Variants in RAB27A observed in about 807,000 individuals in gnomAD.
RAB27A encodes RAB27A, member RAS oncogene family.
In RAB27A, 17 loss-of-function variants were observed where a neutral mutation model predicts 20.8. That is an observed-to-expected ratio of 0.82 (90% CI 0.56 to 1.23). RAB27A has a LOEUF of 1.23. Among genes scored for constraint, RAB27A ranks in the 50% most tolerant of loss-of-function variants. The pLI is 0.00. For synonymous variants in RAB27A, 85 were observed against 92.8 expected (o/e 0.92, Z 0.48); for missense variants, 277 against 266.7 (o/e 1.04, Z -0.27).
chr15:55,310,681 C>A (rs2055016448), intron 2 of RAB27A, among the ~76,000 whole-genome samples: 1 of 152,126 alleles, frequency 6.6e-6, no homozygotes, highest in Admixed American at 6.5e-5. Flanking sequence ...TCCCATTCCA[C>A]CTGCTCCTCC....
At chr15:55,277,701 A>C (rs1475931523) in intron 1 of RAB27A, among the ~76,000 whole-genome samples, 1 of 152,184 alleles carries the variant, frequency 6.6e-6, no homozygotes, top group African/African-American at 2.4e-5. Context: ...GCACCAAAAA[A>C]TGTTCTGAAA....
chr15:55,241,127 A>T (rs913171674), intron 2 of RAB27A, among the ~76,000 whole-genome samples: 1 of 152,204 alleles, frequency 6.6e-6, no homozygotes, highest in Admixed American at 6.5e-5. Flanking sequence ...TTTCTTTCCT[A>T]GAAGTATAAG....
At chr15:55,223,516 A>G (rs908703639) in intron 6 of RAB27A, among the ~76,000 whole-genome samples, 5 of 151,898 alleles carry the variant, frequency 3.3e-5, no homozygotes, top group Non-Finnish European at 7.4e-5. Context: ...CTCAAAAAAA[A>G]AAAAGAAAAG....
chr15:55,293,185 C>T (rs180792105), upstream of RAB27A, among the ~76,000 whole-genome samples: 64 of 152,090 alleles, frequency 4.2e-4, no homozygotes, highest in African/African-American at 1.3e-3. Context: ...AGTAAGAATT[C>T]ATGGATTTTA....
At chr15:55,259,006 G>T (rs1270747348) in intron 2 of RAB27A, among the ~76,000 whole-genome samples, 2 of 151,996 alleles carry the variant, frequency 1.3e-5, no homozygotes, top group Non-Finnish European at 2.9e-5. Flanking sequence ...TGTAGAGATG[G>T]GGTTTTCCCA....
At chr15:55,232,982 G>A (rs974211371) in intron 3 of RAB27A, among the ~76,000 whole-genome samples, 7 of 152,006 alleles carry the variant, frequency 4.6e-5, no homozygotes, top group Non-Finnish European at 8.8e-5. Context: ...ACAATTAGCC[G>A]GGTGTGGTGG....
intron 2 of RAB27A, among the ~76,000 whole-genome samples, chr15:55,263,826 G>A (rs1004153698): frequency 1.3e-5 from 2 of 152,126 alleles, no homozygotes; most frequent in African/African-American, 2.4e-5. Context: ...TCCATGAAAT[G>A]CATATATTTG....
intron 1 of RAB27A, among the ~76,000 whole-genome samples, chr15:55,272,952 A>G (rs1212206345): frequency 1.3e-5 from 2 of 152,200 alleles, no homozygotes; most frequent in East Asian, 3.8e-4. Context: ...GACTCAAAAC[A>G]GACAGAATGG....
Position 55,224,808 on chromosome 15 carries a change from A to G in RAB27A, c.344-796T>C, listed in dbSNP as rs1167535221. ...AAGGCCTAAACGTTCACAGTAAGAC[A>G]TACTTCAGAGTTTATGGCCTAATTT... On this transcript the variant is annotated intron_variant, in intron 5 of 6. Coordinates refer to ENST00000336787, the MANE Select transcript of RAB27A (RefSeq NM_183235.3). Among the ~76,000 whole-genome samples the G allele has an allele frequency of 2.6e-5, 4 of 152,256 alleles. No homozygotes were observed. The East Asian group carries it at 7.7e-4, about 29-fold the overall frequency.
chr15:55,288,982 G>A (rs1898233807), intron 1 of RAB27A: 1 of 152,256 alleles, frequency 6.6e-6, no homozygotes, highest in Non-Finnish European at 1.5e-5. Context: ...CCATCCAGAA[G>A]GAAAGAACAG....
At chr15:55,219,298 C>T (rs1030858570) in intron 6 of RAB27A, among the ~76,000 whole-genome samples, 1 of 152,160 alleles carries the variant, frequency 6.6e-6, no homozygotes, top group Non-Finnish European at 1.5e-5. Flanking sequence ...CTCTCTTTAG[C>T]ATGGATTTTC....
At chr15:55,279,457 G>T (rs774732979) in intron 1 of RAB27A, among the ~76,000 whole-genome samples, 1 of 152,204 alleles carries the variant, frequency 6.6e-6, no homozygotes, top group Non-Finnish European at 1.5e-5. Context: ...CTTCCCAGGG[G>T]CTTTCTGGTT....
intron 6 of RAB27A, among the ~76,000 whole-genome samples, chr15:55,216,179 C>A (rs888339938): frequency 2.6e-5 from 4 of 152,104 alleles, no homozygotes; most frequent in African/African-American, 9.7e-5. Context: ...ATAAATGTTT[C>A]TTATTTCCAA....
At chr15:55,210,347 CA>C (rs1205947582) in intron 6 of RAB27A, among the ~76,000 whole-genome samples, 6 of 149,334 alleles carry the variant, frequency 4.0e-5, no homozygotes, top group Non-Finnish European at 8.9e-5. Context: ...TTCCCACCAA[CA>C]ATGTACGGGT....
At chr15:55,231,721 T>C (rs1896037369) in intron 3 of RAB27A, among the ~76,000 whole-genome samples, 1 of 152,044 alleles carries the variant, frequency 6.6e-6, no homozygotes, top group Non-Finnish European at 1.5e-5. Flanking sequence ...CTGAGAAAAA[T>C]TGTCAGGAAG....
chr15:55,227,984 G>T (rs10518805), intron 5 of RAB27A, among the ~76,000 whole-genome samples: 31,812 of 152,076 alleles, frequency 0.21, 5,749 homozygotes, highest in African/African-American at 0.48. Context: ...GGCAGAATTC[G>T]AAATGGCTAT....
chr15:55,231,760 T>C (rs1306866938), intron 3 of RAB27A, among the ~76,000 whole-genome samples: 2 of 152,274 alleles, frequency 1.3e-5, no homozygotes, highest in East Asian at 3.9e-4. Context: ...GCCCCAGCTT[T>C]GTCTTTCTTT....
chr15:55,239,181 C>T (rs1412745716), intron 2 of RAB27A, among the ~76,000 whole-genome samples: 2 of 152,200 alleles, frequency 1.3e-5, no homozygotes, highest in East Asian at 3.8e-4. Context: ...AATTGAGTCA[C>T]ACTGGTTCTA....
chr15:55,318,585 C>T (rs1218360843), intron 1 of RAB27A, among the ~76,000 whole-genome samples: 2 of 150,994 alleles, frequency 1.3e-5, no homozygotes, highest in African/African-American at 4.8e-5. Context: ...GCCTGTAGTC[C>T]CAGCTACTTG....
Sources: allele counts gnomAD v4.1 joint callset (sites outside exome capture counted in the v4.1 genomes callset), GRCh38; gene constraint gnomAD v4.1.1; transcripts MANE v1.5; gene names NCBI Gene and HGNC (gene_info 2026-07-23, HGNC 2026-07-21).